KIF21B: variants seen among roughly 807,000 people sequenced by gnomAD.
KIF21B encodes kinesin family member 21B.
Under a neutral mutation model 192.9 loss-of-function variants are expected in KIF21B, and 85 were observed. The ratio of observed to expected loss-of-function variants is 0.44; its 90% confidence interval spans 0.37 to 0.53. The LOEUF (loss-of-function observed/expected upper bound fraction) is 0.53, where lower values mean the gene tolerates loss of function less well. Ranked by LOEUF, KIF21B falls within the 20% of genes least tolerant of loss-of-function variation. The pLI is 0.00. For missense variants in KIF21B, 1,716 were observed against 2,194.8 expected (o/e 0.78, Z 4.36); for synonymous variants, 832 against 884.6 (o/e 0.94, Z 1.05).
intron 26 of KIF21B, among the ~76,000 whole-genome samples, chr1:200,986,521 C>T (rs969546625): frequency 2.6e-5 from 4 of 151,982 alleles, no homozygotes; most frequent in Non-Finnish European, 4.4e-5. Flanking sequence ...CTATGCCTGG[C>T]TAATTTTTAT....
chr1:201,023,340 T>C lies in KIF21B; in HGVS notation c.41+3A>G. 1 of 1,529,008 alleles carries C rather than the reference T, an allele frequency of 6.5e-7. No individual in the cohort carries two copies. 94.7% of individuals were successfully genotyped at this position (1,529,008 alleles called of 1,614,324 possible). On this transcript the variant is annotated splice_donor_region_variant and intron_variant, in intron 1 of 34. Transcript: ENST00000461742. This position sits in a 1 kb window ranked among gnomAD's most constrained non-coding sequence, Gnocchi z 5.9. Reference sequence around the variant, plus strand: ...CGCCCCCTTCCCCGCCCCGGGTCCCTACCTGACGGCCACCTTGACGCAGCA... The same window carrying C: ...CGCCCCCTTCCCCGCCCCGGGTCCCCACCTGACGGCCACCTTGACGCAGCA...
chr1:200,991,565 T>C, intron 17 of KIF21B, 92 bp downstream of exon 17: 1 of 1,300,440 alleles, frequency 7.7e-7, no homozygotes, highest in Non-Finnish European at 1.1e-6. Context: ...GCCAGGAAGT[T>C]GGAGGCCCAA....
At position 201,002,340 on chromosome 1, in the gene KIF21B, A is replaced by G; in HGVS notation, c.1223T>C (p.Val408Ala). ...ELMEYKAGKR[V>A]IGEDGAEGYS... ...GCCCTCAGCGCCATCCTCTCCTATC[A>G]CTCGCTTGCCCTGGGAGCAGGGGCA... The change falls in exon 9 of 35, where the codon GTG becomes GCG. Residue 408 changes from valine (V) to alanine (A), a missense_variant. Transcript: ENST00000461742. The G allele has an allele frequency of 6.2e-7, 1 of 1,612,236 alleles. No homozygotes were observed. The highest frequency in any genetic ancestry group is 1.7e-5 in the Admixed American group (1 of 59,960).
rs1454249357 is a variant in KIF21B at position 200,974,701 on chromosome 1, G to T, written c.4814+13C>A. 3 of 1,613,814 alleles carry T rather than the reference G, an allele frequency of 1.9e-6. No individual in the cohort carries two copies. The highest frequency in any genetic ancestry group is 1.7e-5 in the Admixed American group (1 of 60,010). On this transcript the variant is annotated intron_variant, in intron 34 of 34. Transcript: ENST00000461742. ...TGAGGGAGCAGAGGCAGACCTCTCT[G>T]ACCAGCACCCACCTGGAGGCTGTGA... is the stretch of plus-strand genomic sequence containing the variant.
chr1:200,975,449 T>C lies in KIF21B; in HGVS notation c.4614+50A>G, dbSNP rs369056405. On this transcript the variant is annotated intron_variant, in intron 33 of 34. Transcript: ENST00000461742. This position sits in a 1 kb window ranked among gnomAD's most constrained non-coding sequence, Gnocchi z 4.3. ...GGTCTCCAAGGCCCTGCGTGGGCTATGGAAACCACCCTACCCGAGTCTACC... is the reference window on the plus strand; with the variant it reads ...GGTCTCCAAGGCCCTGCGTGGGCTACGGAAACCACCCTACCCGAGTCTACC... 1.1e-5 allele frequency: 17 copies of C among 1,557,744 alleles called. No individual in the cohort carries two copies. The African/African-American group carries it at 1.8e-4, about 16-fold the overall frequency.
At position 201,004,244 on chromosome 1, in the gene KIF21B, C is replaced by T. The variant is rs1054553921; in HGVS notation, c.1016+96G>A. On this transcript the variant is annotated intron_variant, in intron 7 of 34. Coordinates refer to ENST00000461742, the MANE Select transcript of KIF21B (RefSeq NM_001252102.2). ...CAGCCTAGGATGGGAAGGCCTCCTCCTCCTGGGGCAGGCTTGCGCCATACC... is the reference window on the plus strand; with the variant it reads ...CAGCCTAGGATGGGAAGGCCTCCTCTTCCTGGGGCAGGCTTGCGCCATACC... The T allele has an allele frequency of 3.1e-5, 32 of 1,039,746 alleles. No homozygotes were observed. The South Asian group carries it at 4.6e-4, about 15-fold the overall frequency. The allele number at this position is 1,039,746 out of a possible 1,614,324, so 64.4% of individuals were successfully genotyped here.
rs371235023 is a variant in KIF21B at position 200,976,840 on chromosome 1, G to A, written c.4379C>T (p.Thr1460Met). The A allele has an allele frequency of 2.8e-5, 45 of 1,613,600 alleles. No individual in the cohort carries two copies. Among genetic ancestry groups the A allele is most frequent in the Non-Finnish European group, 3.4e-5 (40 of 1,179,740 alleles). The change falls in exon 32 of 35, where the codon ACG (threonine) becomes ATG (methionine). Residue 1460 changes from threonine (T) to methionine (M), a missense_variant. Physicochemically the swap from Thr to Met is moderately conservative, Grantham distance 81. This residue lies in a region of KIF21B where 580 missense variants were observed against 775.5 expected (regional missense o/e 0.75). Coordinates refer to ENST00000461742, the MANE Select transcript of KIF21B (RefSeq NM_001252102.2). ...ATGCTGGCTGGCCGTCTGGGTGACC[G>A]TCAGGCACATCACAGGGCCGATGTG... is the stretch of plus-strand genomic sequence containing the variant. Reference protein sequence around the residue: ...TGHIGPVMCLTVTQTASQHDL... With the variant: ...TGHIGPVMCLMVTQTASQHDL...
At position 201,023,151 on chromosome 1, in the gene KIF21B, T is replaced by G. The variant is rs1005121626; in HGVS notation, c.41+192A>C. Among the ~76,000 whole-genome samples the G allele has an allele frequency of 6.6e-6, 1 of 152,362 alleles. No homozygotes were observed. Among genetic ancestry groups the G allele is most frequent in the African/African-American group, 2.4e-5 (1 of 41,594 alleles). On this transcript the variant is annotated intron_variant, in intron 1 of 34. Coordinates refer to ENST00000461742, the MANE Select transcript of KIF21B (RefSeq NM_001252102.2). This position sits in a 1 kb window ranked among gnomAD's most constrained non-coding sequence, Gnocchi z 5.9. ...CCACCCAAACAAAGCCACCTTCCAG[T>G]AGTCGGCGGGGTCGCCGCTCCCCTG...
rs1571949350 is a variant in KIF21B at position 201,000,901 on chromosome 1, A to G, written c.1403-121T>C. ...GGCGGGCGGATCACCTGAGGCTGGG[A>G]GTTCGAGACTAGCCTGACCAACATG... On this transcript the variant is annotated intron_variant, in intron 9 of 34. Coordinates refer to ENST00000461742, the MANE Select transcript of KIF21B (RefSeq NM_001252102.2). This position sits in a 1 kb window ranked among gnomAD's most constrained non-coding sequence, Gnocchi z 6.0. 1.1e-6 allele frequency: 1 copy of G among 919,148 alleles called. No individual in the cohort carries two copies. The highest frequency in any genetic ancestry group is 1.8e-6 in the Non-Finnish European group (1 of 566,744). 56.9% of individuals were successfully genotyped at this position (919,148 alleles called of 1,614,324 possible). A position where few individuals can be genotyped will look rare whatever the true frequency, so the allele number is the denominator to read the frequency against.
At chr1:200,973,852 C>T in intron 34 of KIF21B, 2 of 1,439,154 alleles carry the variant, frequency 1.4e-6, no homozygotes, top group Admixed American at 2.9e-5. Flanking sequence ...GAAGGCTCCC[C>T]CTTCTGCTCC....
intron 1 of KIF21B, among the ~76,000 whole-genome samples, chr1:201,012,680 T>C (rs1658306885): frequency 1.3e-5 from 2 of 149,152 alleles, no homozygotes; most frequent in African/African-American, 2.5e-5. Flanking sequence ...TCTCACCTTG[T>C]TGCCCCAGGG....
chr1:201,011,585 G>A (rs1658240163), intron 1 of KIF21B, among the ~76,000 whole-genome samples: 1 of 152,234 alleles, frequency 6.6e-6, no homozygotes, highest in Admixed American at 6.5e-5. Context: ...AACCTTAGAA[G>A]GAGGAGCGTG....
chr1:200,973,421 C>G lies in KIF21B; in HGVS notation c.*100G>C. The G allele has an allele frequency of 7.4e-7, 1 of 1,347,572 alleles. No individual in the cohort carries two copies. Among genetic ancestry groups the G allele is most frequent in the Non-Finnish European group, 9.5e-7 (1 of 1,049,818 alleles). The allele number at this position is 1,347,572 out of a possible 1,614,324, so 83.5% of individuals were successfully genotyped here. On this transcript the variant is annotated 3_prime_UTR_variant, in exon 35 of 35. Coordinates refer to ENST00000461742, the MANE Select transcript of KIF21B (RefSeq NM_001252102.2). ...CAGGAGAGGGGGCCACGCCCTCTGTCCCCAGAGCAGCTGGCCCCATCGGCC... is the reference window on the plus strand; with the variant it reads ...CAGGAGAGGGGGCCACGCCCTCTGTGCCCAGAGCAGCTGGCCCCATCGGCC...
chr1:200,974,438 G>A (rs1373125692), intron 34 of KIF21B, among the ~76,000 whole-genome samples: 1 of 152,128 alleles, frequency 6.6e-6, no homozygotes, highest in Non-Finnish European at 1.5e-5. Context: ...AGACAGCCAG[G>A]GCAGGGGAGG....
At chr1:201,013,143 C>A (rs1187842617) in intron 1 of KIF21B, among the ~76,000 whole-genome samples, 2 of 152,208 alleles carry the variant, frequency 1.3e-5, no homozygotes, top group African/African-American at 4.8e-5. Flanking sequence ...CTTTACCACA[C>A]CCTGCCTAGT....
chr1:201,019,021 G>A (rs369927767), intron 1 of KIF21B, among the ~76,000 whole-genome samples: 5 of 152,232 alleles, frequency 3.3e-5, no homozygotes, highest in East Asian at 1.9e-4. Context: ...TGCAACCTCC[G>A]CCTCCCAGGT....
In KIF21B at chr1:201,000,472, C is replaced by G; in HGVS notation, c.1603G>C (p.Glu535Gln). Residue 535 changes from glutamate to glutamine, a missense_variant, in exon 11 of 35, where the codon GAG (glutamate) becomes CAG (glutamine). Around this residue, in one of 3 missense-constraint regions of KIF21B, gnomAD observed 1,087 missense variants for 1,316.6 expected, o/e 0.83. Coordinates refer to ENST00000461742, the MANE Select transcript of KIF21B (RefSeq NM_001252102.2). This position sits in a 1 kb window ranked among gnomAD's most constrained non-coding sequence, Gnocchi z 6.0. ...CTGCGGATCACCTCCGAGGCATCCT[C>G]CATGGAGCTGGCAGGGCTGCCCCCG... ...AFGGSPASSM[E>Q]DASEVIRRAK... is the part of the protein sequence containing the mutation. The G allele has an allele frequency of 6.2e-7, 1 of 1,603,122 alleles. No individual in the cohort carries two copies. The highest frequency in any genetic ancestry group is 1.3e-5 in the African/African-American group (1 of 74,470).
In KIF21B at chr1:201,005,640, G is replaced by T; in HGVS notation, c.502C>A (p.Arg168Ser). 1 of 1,614,134 alleles carries T rather than the reference G, an allele frequency of 6.2e-7. No individual in the cohort carries two copies. Among genetic ancestry groups the T allele is most frequent in the Non-Finnish European group, 8.5e-7 (1 of 1,180,008 alleles). ...ATCTTGATGTTGGACCTGCGGTGGC[G>T]GGTGTCAGGGTCACGGGTGCTGTCA... Reference protein sequence around the residue: ...LFDSTRDPDTRHRRSNIKIHE... With the variant: ...LFDSTRDPDTSHRRSNIKIHE... Residue 168 changes from arginine to serine, a missense_variant, in exon 4 of 35, where the codon CGC (arginine) becomes AGC (serine). Physicochemically the swap from Arg to Ser is moderately radical, Grantham distance 110. Coordinates refer to ENST00000461742, the MANE Select transcript of KIF21B (RefSeq NM_001252102.2).
At chr1:200,994,414 C>T (rs1391327472) in intron 15 of KIF21B, among the ~76,000 whole-genome samples, 1 of 152,230 alleles carries the variant, frequency 6.6e-6, no homozygotes, top group Non-Finnish European at 1.5e-5. Context: ...GCTGCACCTT[C>T]TGTCCCTCCA....
Sources: gnomAD v4.1 joint callset for allele counts (sites outside exome capture counted in the v4.1 genomes callset) on GRCh38, gnomAD v4.1.1 for gene constraint, gnomAD v4.1.1 regional missense constraint, Gnocchi (gnomAD v3.1) non-coding constraint, MANE v1.5 for transcripts, NCBI Gene and HGNC (gene_info 2026-07-23, HGNC 2026-07-21) for gene names.